The following CARMIL1 variants were observed in gnomAD, a reference collection of about 807,000 sequenced individuals.
CARMIL1 encodes the protein capping protein regulator and myosin 1 linker 1.
CARMIL1 carries 90 observed loss-of-function variants against 177.1 expected under a neutral mutation model. The observed-to-expected ratio is 0.51, with a 90% CI of 0.43 to 0.61. The LOEUF (loss-of-function observed/expected upper bound fraction) is 0.61, where lower values mean the gene tolerates loss of function less well. CARMIL1 is among the 20% of genes least tolerant of loss of function. The probability of loss-of-function intolerance (pLI) is 0.00; values close to 1 mark genes in which losing one functional copy is unlikely to be tolerated. For synonymous variants in CARMIL1, 577 were observed against 606.2 expected (o/e 0.95, Z 0.71); for missense variants, 1,380 against 1,667.0 (o/e 0.83, Z 3.00).
At chr6:25,436,026 A>T (rs1298478789) in intron 5 of CARMIL1, among the ~76,000 whole-genome samples, 1 of 152,184 alleles carries the variant, frequency 6.6e-6, no homozygotes, top group Non-Finnish European at 1.5e-5. Context: ...ATTTTCAGGA[A>T]CAAGAAACCT....
At chr6:25,340,848 A>T (rs1466405241) in intron 2 of CARMIL1, among the ~76,000 whole-genome samples, 1 of 145,458 alleles carries the variant, frequency 6.9e-6, no homozygotes, top group African/African-American at 2.6e-5. Context: ...AGTCCAGAAG[A>T]CAGGAAAGGA....
chr6:25,443,866 C>T (rs968604011), intron 5 of CARMIL1, among the ~76,000 whole-genome samples: 2 of 151,844 alleles, frequency 1.3e-5, no homozygotes, highest in Non-Finnish European at 2.9e-5. Flanking sequence ...TGCAATGGCA[C>T]GATCTCGGCT....
chr6:25,470,198 C>G (rs143406186), intron 9 of CARMIL1, among the ~76,000 whole-genome samples: 15 of 152,140 alleles, frequency 9.9e-5, no homozygotes, highest in Non-Finnish European at 2.1e-4. Flanking sequence ...TATTTATGCT[C>G]CAGTAGGAAC....
At chr6:25,323,791 C>T (rs1218212422) in intron 2 of CARMIL1, among the ~76,000 whole-genome samples, 1 of 152,196 alleles carries the variant, frequency 6.6e-6, no homozygotes, top group East Asian at 1.9e-4. Flanking sequence ...TTCACATTCC[C>T]CACTGTGCAA....
intron 22 of CARMIL1, 145 bp downstream of exon 22, chr6:25,517,560 G>A (rs768729357): frequency 2.6e-5 from 16 of 619,172 alleles, no homozygotes; most frequent in Non-Finnish European, 4.2e-5. Flanking sequence ...AACCAGCTAT[G>A]GGATCTTGGA....
At chr6:25,419,350 T>G (rs1449398682) in intron 2 of CARMIL1, among the ~76,000 whole-genome samples, 1 of 152,192 alleles carries the variant, frequency 6.6e-6, no homozygotes, top group Non-Finnish European at 1.5e-5. Context: ...TTGAAAAGAC[T>G]CATGAGGCCT....
rs987308737 is a variant in CARMIL1, at chr6:25,326,987, T to C, written c.138+42078T>C. Among the ~76,000 whole-genome samples the C allele has an allele frequency of 6.6e-6, 1 of 152,088 alleles. No homozygotes were observed. Among genetic ancestry groups the C allele is most frequent in the African/African-American group, 2.4e-5 (1 of 41,394 alleles). On this transcript the variant is annotated intron_variant, in intron 2 of 36. Transcript: ENST00000329474. This position sits in a 1 kb window ranked among gnomAD's most constrained non-coding sequence, Gnocchi z 4.2. ...TTTTGAACACATTGCGTTTGGAGTG[T>C]TCATGAAATGTCCAAGTGAAGATGT...
intron 12 of CARMIL1, among the ~76,000 whole-genome samples, chr6:25,486,541 G>C (rs1255874763): frequency 6.6e-6 from 1 of 152,122 alleles, no homozygotes; most frequent in Non-Finnish European, 1.5e-5. Context: ...TTTGGACTTA[G>C]TTATTCCATT....
intron 2 of CARMIL1, among the ~76,000 whole-genome samples, chr6:25,318,345 G>A (rs1174948433): frequency 2.0e-5 from 3 of 152,154 alleles, no homozygotes; most frequent in East Asian, 1.9e-4. Context: ...AACGGGTGAG[G>A]TGCAGAGAGT....
At chr6:25,553,488 G>A (rs214048) in intron 27 of CARMIL1, among the ~76,000 whole-genome samples, 67,974 of 152,012 alleles carry the variant, frequency 0.45, 15,407 homozygotes, top group East Asian at 0.49. Flanking sequence ...ATAAAAGATA[G>A]GGGCAGGTGA....
At chr6:25,553,946 G>A (rs189668980) in intron 27 of CARMIL1, 63 bp from the exon 28 acceptor site, 151 of 1,001,514 alleles carry the variant, frequency 1.5e-4, no homozygotes, top group Middle Eastern at 1.0e-3. Flanking sequence ...AGCAGCAAGG[G>A]TGGATCATTT....
Position 25,399,979 on chromosome 6 carries a change from G to T in CARMIL1, c.139-20135G>T, listed in dbSNP as rs374661519. Among the ~76,000 whole-genome samples the T allele has an allele frequency of 3.3e-5, 5 of 152,172 alleles. No individual in the cohort carries two copies. In the East Asian group the frequency reaches 5.8e-4, roughly 18 times the overall value. ...ACATTATGTGTTTTTACAGCCAAGG[G>T]TGAGGTGTAGGGGATCTGATAATTC... On this transcript the variant is annotated intron_variant, in intron 2 of 36. Coordinates refer to ENST00000329474, the MANE Select transcript of CARMIL1 (RefSeq NM_017640.6).
intron 35 of CARMIL1, 44 bp from the exon 36 acceptor site, chr6:25,610,006 C>T: frequency 6.4e-7 from 1 of 1,560,846 alleles, no homozygotes; most frequent in Non-Finnish European, 8.7e-7. Context: ...TTCTTGGAAT[C>T]CAGTTTGTGG....
At chr6:25,540,340 AG>A (rs1275188142) in intron 26 of CARMIL1, among the ~76,000 whole-genome samples, 1 of 152,218 alleles carries the variant, frequency 6.6e-6, no homozygotes, top group African/African-American at 2.4e-5. Context: ...ATTTCTATTT[AG>A]GGGGTAGAAA....
At chr6:25,331,559 C>T (rs571393807) in intron 2 of CARMIL1, among the ~76,000 whole-genome samples, 17 of 152,336 alleles carry the variant, frequency 1.1e-4, no homozygotes, top group African/African-American at 3.8e-4. Flanking sequence ...TATCATTCTC[C>T]TACTTAAAAT....
intron 2 of CARMIL1, among the ~76,000 whole-genome samples, chr6:25,320,127 AAC>A (rs1426892592): frequency 2.6e-5 from 4 of 152,090 alleles, no homozygotes; most frequent in Non-Finnish European, 5.9e-5. Context: ...GAAGAGAAAA[AAC>A]ACTCCAGCAA....
At chr6:25,433,016 G>C (rs964435500) in intron 4 of CARMIL1, 2 of 152,218 alleles carry the variant, frequency 1.3e-5, no homozygotes, top group African/African-American at 4.8e-5. Context: ...AGGGAAAAGA[G>C]TATTTGATAG....
At chr6:25,388,310 T>G (rs1792385177) in intron 2 of CARMIL1, 1 of 152,174 alleles carries the variant, frequency 6.6e-6, no homozygotes, top group South Asian at 2.1e-4. Context: ...TGAAGGTATT[T>G]AGCACACACA....
intron 17 of CARMIL1, among the ~76,000 whole-genome samples, chr6:25,501,310 A>G (rs1159099396): frequency 6.6e-6 from 1 of 151,842 alleles, no homozygotes; most frequent in Non-Finnish European, 1.5e-5. Flanking sequence ...TCCCCTCCCC[A>G]AGACCCTCCC....
Sources: allele counts gnomAD v4.1 joint callset (sites outside exome capture counted in the v4.1 genomes callset), GRCh38; gene constraint gnomAD v4.1.1; non-coding constraint Gnocchi (gnomAD v3.1); transcripts MANE v1.5; gene names NCBI Gene and HGNC (gene_info 2026-07-23, HGNC 2026-07-21).